The following PTPRH variants were observed in gnomAD, a reference collection of about 807,000 sequenced individuals.
The protein encoded by PTPRH is receptor-type tyrosine-protein phosphatase H.
A neutral mutation model predicts 130.2 loss-of-function variants in PTPRH; 113 were observed. The ratio of observed to expected loss-of-function variants is 0.87; its 90% CI spans 0.75 to 1.01. PTPRH has a LOEUF of 1.01. PTPRH is among the 50% of genes least tolerant of loss of function. The pLI is 0.00. For missense variants in PTPRH, 1,430 were observed against 1,425.0 expected, an observed-to-expected ratio of 1.00 and a Z score of -0.06; for synonymous variants, 556 against 577.9, an observed-to-expected ratio of 0.96 and a Z score of 0.54.
chr19:55,181,729 G>A lies in PTPRH; in HGVS notation c.*25C>T. On this transcript the variant is annotated 3_prime_UTR_variant, in exon 20 of 20. Transcript: ENST00000376350. ...GTGTCCAGAGCTTGAGGATGCCTGGGCTGCCGACCCAGCCCCCTCGTCACT... is the reference window on the plus strand; with the variant it reads ...GTGTCCAGAGCTTGAGGATGCCTGGACTGCCGACCCAGCCCCCTCGTCACT... 6.2e-7 allele frequency: 1 copy of A among 1,613,640 alleles called. No individual in the cohort carries two copies. The highest frequency in any genetic ancestry group is 8.5e-7 in the Non-Finnish European group (1 of 1,179,834).
chr19:55,205,750 G>A (rs979811624), intron 3 of PTPRH, among the ~76,000 whole-genome samples, 158 bp from the exon 4 acceptor site: 33 of 152,344 alleles, frequency 2.2e-4, no homozygotes, highest in Middle Eastern at 3.4e-3. Flanking sequence ...GTTGAGCACC[G>A]TGAGGTGGCT....
intron 7 of PTPRH, among the ~76,000 whole-genome samples, chr19:55,199,636 AAAAG>A (rs976655776): frequency 6.6e-6 from 1 of 151,516 alleles, no homozygotes; most frequent in African/African-American, 2.4e-5. Context: ...GGAAAGAAAG[AAAAG>A]AAAGAAGGAA....
chr19:55,196,359 G>T (rs1262471174), intron 10 of PTPRH, among the ~76,000 whole-genome samples, 163 bp downstream of exon 10: 1 of 152,206 alleles, frequency 6.6e-6, no homozygotes, highest in East Asian at 1.9e-4. Context: ...CTGCACTCCA[G>T]CCTGGACAAG....
chr19:55,198,773 G>T lies in PTPRH; in HGVS notation c.1560C>A (p.Pro520=). The change falls in exon 8 of 20, where the codon CCC becomes CCA. Residue 520 remains proline (P), a synonymous_variant. Coordinates refer to ENST00000376350, the MANE Select transcript of PTPRH (RefSeq NM_002842.5). The stretch of plus-strand genomic sequence containing the variant: ...CAGTACCTGAGGTGCTTTGGGTCCT[G>T]GGGTCAGTCATGCCTTCCCTGACCC... ...VSWVREGMTD[P]RTQSTSGTDI... is the part of the protein sequence containing the mutation. 1 of 1,614,006 alleles carries T rather than the reference G, an allele frequency of 6.2e-7. No individual in the cohort carries two copies. Among genetic ancestry groups the T allele is most frequent in the Non-Finnish European group, 8.5e-7 (1 of 1,179,942 alleles).
rs1204676156 is a variant in PTPRH at position 55,196,759 on chromosome 19, C to T, written c.2020G>A (p.Val674Ile). The T allele has an allele frequency of 8.1e-6, 13 of 1,614,050 alleles. No individual in the cohort carries two copies. The East Asian group carries it at 2.9e-4, about 36-fold the overall frequency. The change falls in exon 10 of 20, where the codon GTC (valine) becomes ATC (isoleucine). Residue 674 changes from valine to isoleucine, a missense_variant. Val to Ile is a conservative substitution (Grantham distance 29). Coordinates refer to ENST00000376350, the MANE Select transcript of PTPRH (RefSeq NM_002842.5). ...ACTCCATAGCCCGCTGAGGTGCTGA[C>T]ACAGGAAGTGATGGTGACTGTGTCT... ...YPDTVTITSC[V>I]STSAGYGVNL...
chr19:55,197,235 C>T lies in PTPRH; in HGVS notation c.1872G>A (p.Arg624=). The stretch of plus-strand genomic sequence containing the variant: ...CCACTTTGTACCACGTCTCATTGGT[C>T]CTGCTGGTCTGGTTGACCCAATTCG... ...PQANWVNQTS[R]TNETWYKVEA... The change falls in exon 9 of 20, where the codon AGG becomes AGA. Residue 624 remains arginine, a synonymous_variant. Coordinates refer to ENST00000376350, the MANE Select transcript of PTPRH (RefSeq NM_002842.5). 1.2e-6 allele frequency: 2 copies of T among 1,614,272 alleles called. No homozygotes were observed. Among genetic ancestry groups the T allele is most frequent in the South Asian group, 2.2e-5 (2 of 91,090 alleles).
chr19:55,203,730 C>G, intron 5 of PTPRH, 52 bp downstream of exon 5: 1 of 1,552,032 alleles, frequency 6.4e-7, no homozygotes, highest in Non-Finnish European at 8.7e-7. Flanking sequence ...CAACCACCCC[C>G]TACCACTGTC....
chr19:55,206,742 C>A lies in PTPRH; in HGVS notation c.299G>T (p.Trp100Leu), dbSNP rs532430657. The A allele has an allele frequency of 2.0e-5, 33 of 1,613,758 alleles. No individual in the cohort carries two copies. The South Asian group carries it at 3.6e-4, about 18-fold the overall frequency. The change falls in exon 3 of 20, where the codon TGG becomes TTG. Residue 100 changes from tryptophan to leucine, a missense_variant. Coordinates refer to ENST00000376350, the MANE Select transcript of PTPRH (RefSeq NM_002842.5). ...GCTATTTACTCCGTCTTTCTCCACC[C>A]ACACAGAACACGTATACAATGACCC... ...GPGSLYTCSV[W>L]VEKDGVNSSV...
rs138930680 is a variant in PTPRH, at chr19:55,184,664, G to A, written c.3062+838C>T. On this transcript the variant is annotated intron_variant, in intron 18 of 19. Coordinates refer to ENST00000376350, the MANE Select transcript of PTPRH (RefSeq NM_002842.5). Reference sequence around the variant, plus strand: ...TAGCTGGGTGTGGTGGTGAGCAGCTGTAATCCCAGCTACTCGGGAGGCTGA... The same window carrying A: ...TAGCTGGGTGTGGTGGTGAGCAGCTATAATCCCAGCTACTCGGGAGGCTGA... Among the ~76,000 whole-genome samples the A allele has an allele frequency of 3.8e-3, 584 of 151,934 alleles. 5 individuals are homozygous for A. The highest frequency in any genetic ancestry group is 0.014 in the African/African-American group (562 of 41,432).
intron 18 of PTPRH, among the ~76,000 whole-genome samples, chr19:55,182,603 G>A (rs2086209514): frequency 6.6e-6 from 1 of 151,976 alleles, no homozygotes; most frequent in Non-Finnish European, 1.5e-5. Flanking sequence ...TGCCTGATGG[G>A]CCTTCTTCAC....
At position 55,205,457 on chromosome 19, in the gene PTPRH, G is replaced by C; in HGVS notation, c.488C>G (p.Ala163Gly). The C allele has an allele frequency of 6.2e-7, 1 of 1,614,176 alleles. No individual in the cohort carries two copies. Reference protein sequence around the residue: ...GVEYTGDGGRAGTRSTAHTNI... With the variant: ...GVEYTGDGGRGGTRSTAHTNI... ...AGTGTGTGCTGTGCTTCGAGTCCCT[G>C]CTCTGCCACCATCTCCAGTGTACTC... is the stretch of plus-strand genomic sequence containing the variant. The change falls in exon 4 of 20, where the codon GCA becomes GGA. Residue 163 changes from alanine to glycine, a missense_variant. Transcript: ENST00000376350.
In PTPRH at chr19:55,203,908, T is replaced by C; in HGVS notation, c.760A>G (p.Thr254Ala). ...ACTCTGGTGTCTGTTGTGTTTCGAG[T>C]CTCTGTTCTGCCACCATCTCCAGTG... ...QCTGDGGRTE[T>A]RNTTDTRVTV... Residue 254 changes from threonine (T) to alanine (A), a missense_variant, in exon 5 of 20, where the codon ACT becomes GCT. Thr to Ala is a moderately conservative substitution (Grantham distance 58). Transcript: ENST00000376350. 6.2e-7 allele frequency: 1 copy of C among 1,614,070 alleles called. No individual in the cohort carries two copies. Among genetic ancestry groups the C allele is most frequent in the Non-Finnish European group, 8.5e-7 (1 of 1,180,014 alleles).
rs752147383 is a variant in PTPRH, at chr19:55,203,968, T to G, written c.700A>C (p.Thr234Pro). ...CAGTAGGTCGAGTTCTGTGGGTCTG[T>G]GCCATCGGGGACCTCCCAGCTCAGG... ...ISLSWEVPDG[T>P]DPQNSTYCVQ... The change falls in exon 5 of 20, where the codon ACA becomes CCA. Residue 234 changes from threonine to proline, a missense_variant. Coordinates refer to ENST00000376350, the MANE Select transcript of PTPRH (RefSeq NM_002842.5). 2.1e-5 allele frequency: 34 copies of G among 1,614,094 alleles called. No homozygotes were observed. Among genetic ancestry groups the G allele is most frequent in the Admixed American group, 1.3e-4 (8 of 60,000 alleles).
intron 18 of PTPRH, among the ~76,000 whole-genome samples, chr19:55,182,874 A>G (rs2086215675): frequency 6.6e-6 from 1 of 151,706 alleles, no homozygotes; most frequent in Non-Finnish European, 1.5e-5. Context: ...GGCTCACTGC[A>G]CCCTTGACCT....
At chr19:55,188,867 T>G (rs1599996656) in intron 12 of PTPRH, among the ~76,000 whole-genome samples, 1 of 152,192 alleles carries the variant, frequency 6.6e-6, no homozygotes, top group Admixed American at 6.5e-5. Flanking sequence ...GGCAGGCCCC[T>G]CCTCCTCTGT....
At position 55,185,988 on chromosome 19, in the gene PTPRH, G is replaced by A. The variant is rs1280341557; in HGVS notation, c.2779-4C>T. 3.1e-6 allele frequency: 5 copies of A among 1,613,758 alleles called. No homozygotes were observed. Among genetic ancestry groups the A allele is most frequent in the Non-Finnish European group, 4.2e-6 (5 of 1,179,882 alleles). The stretch of plus-strand genomic sequence containing the variant: ...GCCAGTAATGCTCACACTTCACCTG[G>A]GGGAGGAGGAGGGGTCAGAGAACAC... On this transcript the variant is annotated splice_region_variant and splice_polypyrimidine_tract_variant and intron_variant, in intron 16 of 19. Coordinates refer to ENST00000376350, the MANE Select transcript of PTPRH (RefSeq NM_002842.5).
chr19:55,204,391 C>CA (rs2086976821), intron 4 of PTPRH, among the ~76,000 whole-genome samples: 1 of 152,216 alleles, frequency 6.6e-6, no homozygotes, highest in Admixed American at 6.5e-5. Context: ...AGGCGTGAGG[C>CA]AACATGCCTG....
At chr19:55,203,138 C>T (rs1329528532) in intron 5 of PTPRH, among the ~76,000 whole-genome samples, 1 of 151,466 alleles carries the variant, frequency 6.6e-6, no homozygotes, top group Non-Finnish European at 1.5e-5. Flanking sequence ...ACCATCCTGG[C>T]TAACACGGTG....
At chr19:55,204,165 G>A (rs1350191377) in intron 4 of PTPRH, 117 bp from the exon 5 acceptor site, 2 of 1,190,950 alleles carry the variant, frequency 1.7e-6, no homozygotes, top group African/African-American at 3.1e-5. Context: ...TGTCATCCAG[G>A]CTGGAGTGCA....
Sources: allele counts gnomAD v4.1 joint callset (sites outside exome capture counted in the v4.1 genomes callset), GRCh38; gene constraint gnomAD v4.1.1; transcripts MANE v1.5; gene names NCBI Gene and HGNC (gene_info 2026-07-23, HGNC 2026-07-21).